C12orf42: variants seen among roughly 807,000 people sequenced by gnomAD.
The protein encoded by C12orf42 is uncharacterized protein C12orf42.
Under a neutral mutation model 21.6 loss-of-function variants are expected in C12orf42, and 25 were observed. The ratio of observed to expected loss-of-function variants is 1.16; its 90% CI spans 0.84 to 1.62. The LOEUF is 1.62. Ranked by LOEUF, C12orf42 falls within the 40% of genes most tolerant of loss-of-function variation. The pLI, the probability that C12orf42 is intolerant of heterozygous loss-of-function variation, is 0.00. For synonymous variants in C12orf42, 174 were observed against 175.0 expected, an observed-to-expected ratio of 0.99 and a Z score of 0.05; for missense variants, 483 against 459.3, an observed-to-expected ratio of 1.05 and a Z score of -0.47.
the C12orf42 span, among the ~76,000 whole-genome samples, chr12:103,563,134 C>T: frequency 6.6e-6 from 1 of 152,190 alleles, no homozygotes; most frequent in East Asian, 1.9e-4. Flanking sequence ...CTATGCTCTT[C>T]AGGTTCCTTG....
chr12:103,275,977 G>A (rs1245172991), intron 5 of C12orf42, among the ~76,000 whole-genome samples: 1 of 152,118 alleles, frequency 6.6e-6, no homozygotes. Context: ...GGAGGCTGAG[G>A]TGAAAGGATC....
At chr12:103,463,812 A>C (rs886191230) in intron 2 of C12orf42, among the ~76,000 whole-genome samples, 1 of 152,178 alleles carries the variant, frequency 6.6e-6, no homozygotes, top group Admixed American at 6.5e-5. Flanking sequence ...CTTATAAGTG[A>C]GAATATGCAG....
rs188779765 is a variant in C12orf42, at chr12:103,486,807, T to C, written c.-21-8360A>G. ...TATTTCTGTGGGATCAGTGGTGATA[T>C]CCCCTATATGATTTTTTATTGAGTC... On this transcript the variant is annotated intron_variant, in intron 1 of 5. Coordinates refer to ENST00000548883, the MANE Select transcript of C12orf42 (RefSeq NM_198521.5). Among the ~76,000 whole-genome samples the C allele has an allele frequency of 2.5e-3, 387 of 152,302 alleles. 2 individuals are homozygous for C. Among genetic ancestry groups the C allele is most frequent in the Non-Finnish European group, 4.7e-3 (321 of 68,028 alleles).
At chr12:103,431,476 C>T (rs1244562615) in intron 2 of C12orf42, among the ~76,000 whole-genome samples, 2 of 152,144 alleles carry the variant, frequency 1.3e-5, no homozygotes, top group African/African-American at 4.8e-5. Context: ...GGGTTCAAAT[C>T]CTGCATCCTG....
At chr12:103,545,052 C>A in the C12orf42 span, among the ~76,000 whole-genome samples, 1 of 152,186 alleles carries the variant, frequency 6.6e-6, no homozygotes, top group South Asian at 2.1e-4. Context: ...GGGGCTTCAG[C>A]AAGTAGCCTC....
At chr12:103,096,188 CTGAA>C in the C12orf42 span, among the ~76,000 whole-genome samples, 1 of 152,112 alleles carries the variant, frequency 6.6e-6, no homozygotes, top group Non-Finnish European at 1.5e-5. Context: ...CAGGTGCCAT[CTGAA>C]AGTGAATGTA....
At chr12:103,122,387 TATTC>T in the C12orf42 span, among the ~76,000 whole-genome samples, 3 of 151,808 alleles carry the variant, frequency 2.0e-5, no homozygotes, top group Admixed American at 6.6e-5. Flanking sequence ...GCCATTATTG[TATTC>T]ATTCATTCAT....
At chr12:103,373,093 T>C (rs1405715542) in intron 3 of C12orf42, among the ~76,000 whole-genome samples, 2 of 152,144 alleles carry the variant, frequency 1.3e-5, no homozygotes, top group Non-Finnish European at 2.9e-5. Context: ...TGGCTTTTAG[T>C]TGATTCACTG....
At chr12:103,278,346 ATC>A (rs1444451601) in intron 4 of C12orf42, among the ~76,000 whole-genome samples, 1 of 152,234 alleles carries the variant, frequency 6.6e-6, no homozygotes, top group Non-Finnish European at 1.5e-5. Flanking sequence ...TTTAAAAATC[ATC>A]TCTGTTTTTT....
chr12:103,554,274 G>A, the C12orf42 span, among the ~76,000 whole-genome samples: 9 of 152,092 alleles, frequency 5.9e-5, no homozygotes, highest in African/African-American at 2.2e-4. Context: ...AAATATAAGA[G>A]TAGCCTGGAA....
chr12:103,263,573 G>A (rs1262497672), downstream of C12orf42, among the ~76,000 whole-genome samples: 1 of 152,164 alleles, frequency 6.6e-6, no homozygotes, highest in East Asian at 1.9e-4. Context: ...GGTCACCGGT[G>A]GGATAGAGCC....
intron 5 of C12orf42, chr12:103,270,232 C>G (rs1210487014): frequency 6.6e-6 from 1 of 151,794 alleles, no homozygotes; most frequent in Non-Finnish European, 1.5e-5. Flanking sequence ...GGCTGTGCTT[C>G]CAGAGGAAGC....
At chr12:103,442,290 G>A (rs552687377) in intron 2 of C12orf42, among the ~76,000 whole-genome samples, 1 of 152,180 alleles carries the variant, frequency 6.6e-6, no homozygotes, top group South Asian at 2.1e-4. Context: ...CAAAAGCAAG[G>A]AGCGATACGA....
At chr12:103,108,057 T>C in the C12orf42 span, among the ~76,000 whole-genome samples, 1 of 151,406 alleles carries the variant, frequency 6.6e-6, no homozygotes, top group African/African-American at 2.4e-5. Context: ...CAGATTTATT[T>C]TTAATCATCA....
the C12orf42 span, among the ~76,000 whole-genome samples, chr12:103,537,426 A>G: frequency 3.3e-5 from 5 of 152,204 alleles, no homozygotes; most frequent in African/African-American, 1.2e-4. Flanking sequence ...GAACTAAAGT[A>G]TATCAGAACA....
downstream of C12orf42, among the ~76,000 whole-genome samples, chr12:103,233,089 C>T (rs760037949): frequency 3.3e-5 from 5 of 152,224 alleles, no homozygotes; most frequent in Non-Finnish European, 5.9e-5. Context: ...ACTATCTCTG[C>T]TCCATTGAGT....
intron 2 of C12orf42, among the ~76,000 whole-genome samples, chr12:103,463,310 C>T (rs1952868102): frequency 6.6e-6 from 1 of 152,138 alleles, no homozygotes; most frequent in Admixed American, 6.6e-5. Flanking sequence ...CCATGTGACA[C>T]ATCATGAGGT....
chr12:103,417,304 T>C (rs1239237135), intron 2 of C12orf42, among the ~76,000 whole-genome samples: 1 of 152,190 alleles, frequency 6.6e-6, no homozygotes, highest in African/African-American at 2.4e-5. Context: ...CCCTCTTCTC[T>C]CATATTGCTC....
chr12:103,325,900 G>A (rs2040637972), intron 4 of C12orf42, among the ~76,000 whole-genome samples: 1 of 152,070 alleles, frequency 6.6e-6, no homozygotes, highest in South Asian at 2.1e-4. Flanking sequence ...CTTAAAGCAT[G>A]GAGAATGAGC....
Sources: gnomAD v4.1 joint callset for allele counts (sites outside exome capture counted in the v4.1 genomes callset) on GRCh38, gnomAD v4.1.1 for gene constraint, MANE v1.5 for transcripts, NCBI Gene and HGNC (gene_info 2026-07-23, HGNC 2026-07-21) for gene names.